The following CTSF variants were observed in gnomAD, a reference collection of about 807,000 sequenced individuals.
CTSF encodes the protein cathepsin F.
Under a neutral mutation model 63.5 loss-of-function variants are expected in CTSF, and 65 were observed. The observed-to-expected ratio is 1.02, with a 90% CI of 0.84 to 1.26. The LOEUF is 1.26. Among genes scored for constraint, CTSF ranks in the 50% most tolerant of loss-of-function variants. The pLI is 0.00. For synonymous variants in CTSF, 256 were observed against 258.1 expected, an observed-to-expected ratio of 0.99 and a Z score of 0.08; for missense variants, 641 against 631.0, an observed-to-expected ratio of 1.02 and a Z score of -0.17.
intron 11 of CTSF, 159 bp from the exon 12 acceptor site, chr11:66,564,305 A>T: frequency 1.0e-6 from 1 of 975,304 alleles, no homozygotes; most frequent in South Asian, 1.7e-5. Context: ...CTCAGGGAGA[A>T]GCCCTGGGGC....
intron 2 of CTSF, 106 bp downstream of exon 2, chr11:66,567,878 G>A: frequency 1.4e-6 from 2 of 1,442,110 alleles, no homozygotes; most frequent in Non-Finnish European, 9.4e-7. Flanking sequence ...GCTCAAGGTG[G>A]GGCAGCAGCT....
chr11:66,567,875 G>GT, intron 2 of CTSF, 109 bp downstream of exon 2: 1 of 1,441,456 alleles, frequency 6.9e-7, no homozygotes, highest in South Asian at 1.4e-5. Context: ...GTGGCTCAAG[G>GT]TGGGGCAGCA....
chr11:66,565,059 C>T, intron 8 of CTSF, 53 bp from the exon 9 acceptor site: 1 of 1,516,912 alleles, frequency 6.6e-7, no homozygotes, highest in Non-Finnish European at 8.8e-7. Context: ...TTGCCATTCA[C>T]AGCCAGAAAT....
Position 66,567,588 on chromosome 11 carries a change from G to A in CTSF, c.387C>T (p.Thr129=), listed in dbSNP as rs1327609158. Residue 129 remains threonine, a synonymous_variant, in exon 3 of 13, where the codon ACC becomes ACT. Coordinates refer to ENST00000310325, the MANE Select transcript of CTSF (RefSeq NM_003793.4). ...TGGGCTCCCCAGCACCTGGAACCTT[G>A]GTGTCCACTGGGCCACAGTCCTTCC... ...LLRKDCGPVD[T]KVPGAGEPKS... The A allele has an allele frequency of 6.2e-7, 1 of 1,614,074 alleles. No individual in the cohort carries two copies.
At chr11:66,567,404 C>T (rs748331186) in intron 3 of CTSF, 40 bp downstream of exon 3, 1 of 1,601,724 alleles carries the variant, frequency 6.2e-7, no homozygotes, top group Non-Finnish European at 8.5e-7. Flanking sequence ...CAGCGGCTGG[C>T]TCCTCAAGCT....
rs1857897564 is a variant in CTSF at position 66,564,988 on chromosome 11, T to A, written c.1064A>T (p.Asp355Val). Residue 355 changes from aspartate to valine, a missense_variant, in exon 9 of 13, where the codon GAT becomes GTT. Asp to Val is a radical substitution (Grantham distance 152). Transcript: ENST00000310325. ...CATGTGACCCTGGTAGCTGTAGTCA[T>A]CCTCTGTCTCCAGCCCTCCTGGGGA... ...IKNLGGLETE[D>V]DYSYQGHMQS... is the part of the protein sequence containing the mutation. 1.3e-6 allele frequency: 2 copies of A among 1,572,904 alleles called. No homozygotes were observed. Among genetic ancestry groups the A allele is most frequent in the Non-Finnish European group, 1.7e-6 (2 of 1,155,618 alleles).
rs986104772 is a variant in CTSF, at chr11:66,565,073, C to G, written c.1046-67G>C. ...TTTGCCATTCACAGCCAGAAATGAA[C>G]TAAGCCCTCTACGCGAGGTTTCACA... is the stretch of plus-strand genomic sequence containing the variant. On this transcript the variant is annotated intron_variant, in intron 8 of 12. Coordinates refer to ENST00000310325, the MANE Select transcript of CTSF (RefSeq NM_003793.4). 23 of 1,512,266 alleles carry G rather than the reference C, an allele frequency of 1.5e-5. No homozygotes were observed. In the African/African-American group the frequency reaches 1.8e-4, roughly 12 times the overall value. The allele number at this position is 1,512,266 out of a possible 1,614,324, so 93.7% of individuals were successfully genotyped here. A position where few individuals can be genotyped will look rare whatever the true frequency, so the allele number is the denominator to read the frequency against.
rs1857958890 is a variant in CTSF, at chr11:66,567,519, G to A, written c.456C>T (p.Ser152=). ...CGTTTCTGTTGTCTGGATGGTTTTG[G>A]GACAGAGAAGAAATCATGGCTGAGC... ...TQGSAMISSL[S]QNHPDNRNET... Residue 152 remains serine (S), a synonymous_variant, in exon 3 of 13, where the codon TCC becomes TCT. Transcript: ENST00000310325. 2 of 1,614,068 alleles carry A rather than the reference G, an allele frequency of 1.2e-6. No individual in the cohort carries two copies. The highest frequency in any genetic ancestry group is 1.7e-5 in the Admixed American group (1 of 60,008).
In CTSF at chr11:66,568,035, T is replaced by C. The variant is rs762122541; in HGVS notation, c.261A>G (p.Pro87=). 2.5e-6 allele frequency: 4 copies of C among 1,602,982 alleles called. No individual in the cohort carries two copies. Among genetic ancestry groups the C allele is most frequent in the South Asian group, 1.1e-5 (1 of 90,108 alleles). The change falls in exon 2 of 13, where the codon CCA becomes CCG. Residue 87 remains proline (P), a synonymous_variant. Transcript: ENST00000310325. ...LYSLEATLEE[P]PCNDPMVCRL... ...GGCACACCATGGGGTCGTTGCAGGG[T>C]GGCTCCTCCAGGGTGGCCTCCAGGG...
rs867917295 is a variant in CTSF at position 66,564,570 on chromosome 11, C to T, written c.1309G>A (p.Gly437Ser). 6.4e-7 allele frequency: 1 copy of T among 1,569,024 alleles called. No homozygotes were observed. Among genetic ancestry groups the T allele is most frequent in the South Asian group, 1.2e-5 (1 of 85,826 alleles). Reference sequence around the variant, plus strand: ...CAGCGGAACTCACGGTTGCCGTAGCCCACAAGCAACACCGCATGGTCAATG... The same window carrying T: ...CAGCGGAACTCACGGTTGCCGTAGCTCACAAGCAACACCGCATGGTCAATG... ...WLIDHAVLLV[G>S]YGNRSDVPFW... The change falls in exon 11 of 13, where the codon GGC (glycine) becomes AGC (serine). Residue 437 changes from glycine (G) to serine (S), a missense_variant. Transcript: ENST00000310325.
At chr11:66,568,131 C>T in intron 1 of CTSF, 49 bp from the exon 2 acceptor site, 1 of 1,589,336 alleles carries the variant, frequency 6.3e-7, no homozygotes. Flanking sequence ...TTGACGGCGC[C>T]CAAGGCCCCG....
In CTSF at chr11:66,564,797, G is replaced by A. The variant is rs1857891935; in HGVS notation, c.1175C>T (p.Ala392Val). The change falls in exon 10 of 13, where the codon GCC becomes GTC. Residue 392 changes from alanine to valine, a missense_variant. Ala to Val is a moderately conservative substitution (Grantham distance 64). Transcript: ENST00000310325. ...GATTGGGCCTCTCTTGGCCAGCCAG[G>A]CTGCCAGCTCTGAGATGGGAAGGGG... is the stretch of plus-strand genomic sequence containing the variant. The part of the protein sequence containing the change: ...ELSQNEQKLA[A>V]WLAKRGPISV... 13 of 1,614,100 alleles carry A rather than the reference G, an allele frequency of 8.1e-6. No individual in the cohort carries two copies. The highest frequency in any genetic ancestry group is 1.1e-5 in the Non-Finnish European group (13 of 1,180,006).
chr11:66,563,764 G>A lies in CTSF; in HGVS notation c.*169C>T, dbSNP rs538579602. On this transcript the variant is annotated 3_prime_UTR_variant, in exon 13 of 13. Coordinates refer to ENST00000310325, the MANE Select transcript of CTSF (RefSeq NM_003793.4). ...TGCAGAACTTCAGGGTGGGAATGGG[G>A]TGCAGGGAAGCAGGGGCTGTGCCCC... The A allele has an allele frequency of 1.3e-6, 1 of 752,056 alleles. No homozygotes were observed. The highest frequency in any genetic ancestry group is 2.1e-6 in the Non-Finnish European group (1 of 467,716). The allele number at this position is 752,056 out of a possible 1,614,324, so 46.6% of individuals were successfully genotyped here.
intron 11 of CTSF, 195 bp from the exon 12 acceptor site, chr11:66,564,341 C>T (rs889923793): frequency 5.1e-6 from 4 of 787,560 alleles, no homozygotes; most frequent in Non-Finnish European, 7.9e-6. Flanking sequence ...ACCCACCCGC[C>T]TATTGCAGGT....
In CTSF at chr11:66,567,175, C is replaced by T. The variant is rs1055194580; in HGVS notation, c.607+71G>A. ...TGCCTCTTGTCTTTCTCCTCCCACA[C>T]ACCAAGGTGCCAAGTTGGGGGGAAA... On this transcript the variant is annotated intron_variant, in intron 4 of 12. Coordinates refer to ENST00000310325, the MANE Select transcript of CTSF (RefSeq NM_003793.4). 8 of 1,498,408 alleles carry T rather than the reference C, an allele frequency of 5.3e-6. No homozygotes were observed. The Admixed American group carries it at 1.3e-4, about 25-fold the overall frequency. The allele number at this position is 1,498,408 out of a possible 1,614,324, so 92.8% of individuals were successfully genotyped here.
At chr11:66,565,594 TC>T (rs1197889265) in intron 8 of CTSF, 76 bp downstream of exon 8, 41 of 1,580,772 alleles carry the variant, frequency 2.6e-5, no homozygotes, top group South Asian at 1.9e-4. Flanking sequence ...TGCTCATGTC[TC>T]CCCCCCATTA....
At position 66,567,571 on chromosome 11, in the gene CTSF, C is replaced by T. The variant is rs754428478; in HGVS notation, c.404G>A (p.Gly135Glu). ...CTGAGTGAAGGCTGACTTGGGCTCC[C>T]CAGCACCTGGAACCTTGGTGTCCAC... is the stretch of plus-strand genomic sequence containing the variant. ...GPVDTKVPGA[G>E]EPKSAFTQGS... The change falls in exon 3 of 13, where the codon GGG becomes GAG. Residue 135 changes from glycine to glutamate, a missense_variant. By Grantham distance (98) the Gly-to-Glu change is moderately conservative. Transcript: ENST00000310325. 1.2e-6 allele frequency: 2 copies of T among 1,614,208 alleles called. No homozygotes were observed. The highest frequency in any genetic ancestry group is 1.7e-6 in the Non-Finnish European group (2 of 1,180,036).
chr11:66,568,232 T>G, intron 1 of CTSF, 42 bp downstream of exon 1: 1 of 1,521,352 alleles, frequency 6.6e-7, no homozygotes, highest in South Asian at 1.2e-5. Flanking sequence ...CTCCTATCCC[T>G]TGGACCCGGG....
Position 66,567,608 on chromosome 11 carries a change from C to G in CTSF, c.367G>C (p.Asp123His), listed in dbSNP as rs1590817010. The G allele has an allele frequency of 1.9e-6, 3 of 1,614,188 alleles. No homozygotes were observed. The highest frequency in any genetic ancestry group is 2.5e-6 in the Non-Finnish European group (3 of 1,180,018). ...ELGRHVLLRK[D>H]CGPVDTKVPG... ...ACCTTGGTGTCCACTGGGCCACAGT[C>G]CTTCCGCAGCAGCACGTGTCTTCCG... Residue 123 changes from aspartate (D) to histidine (H), a missense_variant, in exon 3 of 13, where the codon GAC (aspartate) becomes CAC (histidine). Coordinates refer to ENST00000310325, the MANE Select transcript of CTSF (RefSeq NM_003793.4).
Sources: allele counts gnomAD v4.1 joint callset, GRCh38; gene constraint gnomAD v4.1.1; transcripts MANE v1.5; gene names NCBI Gene and HGNC (gene_info 2026-07-23, HGNC 2026-07-21).